The following PTPRD variants were observed in gnomAD, a reference collection of about 807,000 sequenced individuals.
PTPRD encodes the protein protein tyrosine phosphatase receptor type D.
In PTPRD, 34 loss-of-function variants were observed where a neutral mutation model predicts 214.5. The observed-to-expected ratio is 0.16, with a 90% CI of 0.12 to 0.21. PTPRD has a LOEUF of 0.21. PTPRD is among the 10% of genes least tolerant of loss of function. PTPRD has a pLI of 1.00. For synonymous variants in PTPRD, 1,128 were observed against 845.7 expected, an observed-to-expected ratio of 1.33 and a Z score of -5.79; for missense variants, 2,545 against 2,398.7, an observed-to-expected ratio of 1.06 and a Z score of -1.27.
intron 6 of PTPRD, among the ~76,000 whole-genome samples, chr9:9,755,009 A>G (rs2098555020): frequency 6.6e-6 from 1 of 152,020 alleles, no homozygotes; most frequent in Non-Finnish European, 1.5e-5. Context: ...AGCTGCTTTG[A>G]TGTAACCTGG....
In PTPRD at chr9:8,940,280, C is replaced by CTTTT. The variant is rs34342718; in HGVS notation, c.-104+78413_-104+78416dup. ...TCACACATCTCTCTCTCTCTCTCTC[C>CTTTT]TTTTTTTTTTTTTTTTTTTTGAGAT... On this transcript the variant is annotated intron_variant, in intron 11 of 45. Transcript: ENST00000381196. Among the ~76,000 whole-genome samples, 60 of 89,044 alleles carry CTTTT rather than the reference C, an allele frequency of 6.7e-4. 4 individuals carry two copies. The highest frequency in any genetic ancestry group is 2.1e-3 in the African/African-American group (47 of 22,900). The allele number at this position is 89,044 out of a possible 152,430, so 58.4% of individuals were successfully genotyped here.
At chr9:10,463,620 GT>G (rs147369483) in intron 2 of PTPRD, among the ~76,000 whole-genome samples, 5 of 151,260 alleles carry the variant, frequency 3.3e-5, no homozygotes, top group African/African-American at 4.8e-5. Context: ...GAAAAAGAGG[GT>G]TTTTTTTTCT....
chr9:8,315,047 G>C lies in PTPRD; in HGVS notation c.*2827C>G, dbSNP rs1269345154. ...AATTATACATAACTACACGTACATAGGTAAATAATAGCACCGTACTGGTTA... is the reference window on the plus strand; with the variant it reads ...AATTATACATAACTACACGTACATACGTAAATAATAGCACCGTACTGGTTA... On this transcript the variant is annotated 3_prime_UTR_variant, in exon 46 of 46. Coordinates refer to ENST00000381196, the MANE Select transcript of PTPRD (RefSeq NM_002839.4). 4.3e-6 allele frequency: 1 copy of C among 232,270 alleles called. No individual in the cohort carries two copies. The highest frequency in any genetic ancestry group is 1.8e-4 in the South Asian group (1 of 5,514). The allele number at this position is 232,270 out of a possible 1,614,324, so 14.4% of individuals were successfully genotyped here.
chr9:8,319,713 G>T, intron 45 of PTPRD, 118 bp downstream of exon 45: 7 of 1,281,478 alleles, frequency 5.5e-6, no homozygotes, highest in Non-Finnish European at 7.6e-6. Context: ...TTATTAAACA[G>T]TTTGATGCTT....
At chr9:9,516,691 C>T (rs950712347) in intron 8 of PTPRD, among the ~76,000 whole-genome samples, 2 of 151,958 alleles carry the variant, frequency 1.3e-5, no homozygotes, top group African/African-American at 4.8e-5. Context: ...GCGTGGGCCA[C>T]CACACCCAGT....
intron 7 of PTPRD, among the ~76,000 whole-genome samples, chr9:9,680,689 C>G: frequency 6.6e-6 from 1 of 151,712 alleles, no homozygotes; most frequent in East Asian, 1.9e-4. Flanking sequence ...TTGACTCCCT[C>G]CCACCATCTC....
chr9:9,259,676 A>G (rs546420909), intron 9 of PTPRD, among the ~76,000 whole-genome samples: 1 of 152,104 alleles, frequency 6.6e-6, no homozygotes, highest in African/African-American at 2.4e-5. Context: ...TGCTGCCATT[A>G]GTGCTTCCCT....
chr9:8,477,437 A>T (rs149119965), intron 30 of PTPRD, among the ~76,000 whole-genome samples: 417 of 152,304 alleles, frequency 2.7e-3, no homozygotes, highest in Middle Eastern at 0.01. Context: ...GTTATCATCA[A>T]GGGGCCCAGT....
intron 14 of PTPRD, among the ~76,000 whole-genome samples, chr9:8,582,056 G>A (rs2154252969): frequency 6.6e-6 from 1 of 151,072 alleles, no homozygotes; most frequent in South Asian, 2.1e-4. Flanking sequence ...TAACTTTCTA[G>A]AAAATATAAA....
chr9:9,430,515 C>T (rs1481955826), intron 8 of PTPRD, among the ~76,000 whole-genome samples: 1 of 152,100 alleles, frequency 6.6e-6, no homozygotes, highest in African/African-American at 2.4e-5. Context: ...CCCCATGAAG[C>T]TACCAATGAT....
intron 10 of PTPRD, among the ~76,000 whole-genome samples, chr9:9,079,267 AT>A (rs1486048078): frequency 6.6e-6 from 1 of 151,656 alleles, no homozygotes; most frequent in Non-Finnish European, 1.5e-5. Flanking sequence ...ATTAGATCAA[AT>A]TTTTTTTAGC....
intron 11 of PTPRD, among the ~76,000 whole-genome samples, chr9:8,770,728 C>A (rs750702320): frequency 1.3e-5 from 2 of 152,114 alleles, no homozygotes; most frequent in African/African-American, 4.8e-5. Context: ...CACTAATTAT[C>A]TGAAGTCTTT....
intron 2 of PTPRD, among the ~76,000 whole-genome samples, chr9:10,579,506 C>A (rs2070889193): frequency 6.6e-6 from 1 of 152,206 alleles, no homozygotes; most frequent in South Asian, 2.1e-4. Flanking sequence ...TTTCTTTATC[C>A]AGTCCACTGT....
chr9:9,335,645 A>G (rs1470582511), intron 9 of PTPRD, among the ~76,000 whole-genome samples: 2 of 152,136 alleles, frequency 1.3e-5, no homozygotes, highest in African/African-American at 4.8e-5. Flanking sequence ...ACCAAATGTT[A>G]CACACATCAA....
At chr9:10,202,671 G>GATATATAT (rs77962535) in intron 3 of PTPRD, among the ~76,000 whole-genome samples, 13,132 of 112,746 alleles carry the variant, frequency 0.12, 1,015 homozygotes, top group Middle Eastern at 0.14. Flanking sequence ...AAATTATATG[G>GATATATAT]ATATATATAT....
At chr9:8,414,971 G>GAGAGAC (rs2093821594) in intron 35 of PTPRD, among the ~76,000 whole-genome samples, 2 of 144,788 alleles carry the variant, frequency 1.4e-5, no homozygotes, top group Non-Finnish European at 3.0e-5. Flanking sequence ...GAGAGAGAGA[G>GAGAGAC]AGACAGACAG....
At chr9:10,530,346 G>T (rs1364445951) in intron 2 of PTPRD, among the ~76,000 whole-genome samples, 2 of 152,058 alleles carry the variant, frequency 1.3e-5, no homozygotes, top group Non-Finnish European at 2.9e-5. Context: ...AATCTAAAAT[G>T]ATTATAATTT....
chr9:9,777,246 G>A (rs1186800468), intron 5 of PTPRD, among the ~76,000 whole-genome samples: 3 of 151,814 alleles, frequency 2.0e-5, no homozygotes, highest in African/African-American at 7.3e-5. Flanking sequence ...TTATTTTGGA[G>A]GAGAAAAATC....
chr9:8,314,977 C>G lies in PTPRD; in HGVS notation c.*2897G>C. On this transcript the variant is annotated 3_prime_UTR_variant, in exon 46 of 46. Transcript: ENST00000381196. The stretch of plus-strand genomic sequence containing the variant: ...CTAAAATAAAGTTCTGTACAAATCA[C>G]TTTTTATATATTTTGATTTTTTTTA... The G allele has an allele frequency of 4.3e-6, 1 of 232,444 alleles. No homozygotes were observed. Among genetic ancestry groups the G allele is most frequent in the Non-Finnish European group, 8.5e-6 (1 of 117,252 alleles). 14.4% of individuals were successfully genotyped at this position (232,444 alleles called of 1,614,324 possible). A position where few individuals can be genotyped will look rare whatever the true frequency, so the allele number is the denominator to read the frequency against.
Sources: gnomAD v4.1 joint callset for allele counts (sites outside exome capture counted in the v4.1 genomes callset) on GRCh38, gnomAD v4.1.1 for gene constraint, MANE v1.5 for transcripts, NCBI Gene and HGNC (gene_info 2026-07-23, HGNC 2026-07-21) for gene names.